The following TDRD3 variants were observed in gnomAD, a reference collection of about 807,000 sequenced individuals.
TDRD3 encodes the protein tudor domain-containing protein 3.
TDRD3 carries 45 observed loss-of-function variants against 86.7 expected under a neutral mutation model. The observed-to-expected ratio is 0.52, with a 90% CI of 0.41 to 0.67. The LOEUF is 0.67. Ranked by LOEUF, TDRD3 falls within the 30% of genes least tolerant of loss-of-function variation. TDRD3 has a pLI of 0.00. For synonymous variants in TDRD3, 298 were observed against 301.7 expected (o/e 0.99, Z 0.13); for missense variants, 814 against 889.0 (o/e 0.92, Z 1.07).
intron 1 of TDRD3, among the ~76,000 whole-genome samples, chr13:60,432,676 G>T (rs1032069493): frequency 5.3e-5 from 8 of 152,092 alleles, no homozygotes; most frequent in Admixed American, 2.0e-4. Context: ...CAACATTGAA[G>T]TTTTGGGAAT....
intron 1 of TDRD3, among the ~76,000 whole-genome samples, chr13:60,415,541 G>C (rs977851776): frequency 1.3e-5 from 2 of 152,036 alleles, no homozygotes; most frequent in Non-Finnish European, 2.9e-5. Context: ...GGCCCTCAAT[G>C]TTAGCTAACT....
intron 3 of TDRD3, among the ~76,000 whole-genome samples, chr13:60,457,448 C>T (rs1955703967): frequency 6.6e-6 from 1 of 152,216 alleles, no homozygotes; most frequent in Admixed American, 6.5e-5. Context: ...CTTGTACACT[C>T]ACTCGTAGAA....
chr13:60,397,537 C>T (rs1953956648), intron 1 of TDRD3, 132 bp downstream of exon 1: 2 of 683,148 alleles, frequency 2.9e-6, no homozygotes, highest in Admixed American at 4.6e-5. Context: ...CTCCCCGGGC[C>T]CTTCGGGCCG....
intron 12 of TDRD3, among the ~76,000 whole-genome samples, chr13:60,541,262 G>T (rs1164980002): frequency 6.6e-6 from 1 of 151,710 alleles, no homozygotes; most frequent in African/African-American, 2.4e-5. Flanking sequence ...CTGCCTCCTG[G>T]GTTCAAGCCA....
intron 12 of TDRD3, among the ~76,000 whole-genome samples, chr13:60,561,540 T>C (rs1444254426): frequency 2.0e-5 from 3 of 152,216 alleles, no homozygotes; most frequent in Non-Finnish European, 1.5e-5. Context: ...ATATTTTATA[T>C]AGGAATTCTA....
chr13:60,409,031 C>T (rs532793166), intron 1 of TDRD3, among the ~76,000 whole-genome samples: 2 of 152,324 alleles, frequency 1.3e-5, no homozygotes, highest in East Asian at 3.9e-4. Context: ...TGCCCTGTGT[C>T]CCAGCCACTC....
At chr13:60,401,264 TACA>T (rs1324902114) in intron 1 of TDRD3, among the ~76,000 whole-genome samples, 1 of 152,012 alleles carries the variant, frequency 6.6e-6, no homozygotes, top group African/African-American at 2.4e-5. Context: ...AAAATAACAA[TACA>T]ACAACAAAAA....
chr13:60,402,138 A>G (rs765781028), intron 1 of TDRD3, among the ~76,000 whole-genome samples: 1 of 152,220 alleles, frequency 6.6e-6, no homozygotes. Context: ...ATTCCATTAC[A>G]TAGAGGCTTC....
At chr13:60,523,734 G>A (rs576327681) in intron 10 of TDRD3, among the ~76,000 whole-genome samples, 2 of 151,786 alleles carry the variant, frequency 1.3e-5, no homozygotes, top group South Asian at 2.1e-4. Context: ...ATGCCACCAC[G>A]CCCAGCTAAT....
intron 5 of TDRD3, among the ~76,000 whole-genome samples, chr13:60,480,823 C>G (rs1033370042): frequency 2.0e-5 from 3 of 151,900 alleles, no homozygotes; most frequent in African/African-American, 7.3e-5. Flanking sequence ...GGGAGTGCTG[C>G]AAGCGAGGGG....
At chr13:60,571,681 T>G (rs934686035) in intron 13 of TDRD3, among the ~76,000 whole-genome samples, 4 of 152,234 alleles carry the variant, frequency 2.6e-5, no homozygotes, top group African/African-American at 4.8e-5. Flanking sequence ...AATTTGCACA[T>G]TCTTTGATTA....
Position 60,415,128 on chromosome 13 carries a change from G to A in TDRD3, c.41+17723G>A, listed in dbSNP as rs911960199. Among the ~76,000 whole-genome samples the A allele has an allele frequency of 2.0e-5, 3 of 151,876 alleles. No individual in the cohort carries two copies. The East Asian group carries it at 5.8e-4, about 29-fold the overall frequency. ...TTGAACTTATGAAAAAAAAATTCATGTGTTGATTTGACCAAGATTGATGTT... is the reference window on the plus strand; with the variant it reads ...TTGAACTTATGAAAAAAAAATTCATATGTTGATTTGACCAAGATTGATGTT... On this transcript the variant is annotated intron_variant, in intron 1 of 13. Coordinates refer to ENST00000377881, the MANE Select transcript of TDRD3 (RefSeq NM_001146070.2).
At chr13:60,560,601 T>C (rs1958311359) in intron 12 of TDRD3, among the ~76,000 whole-genome samples, 1 of 152,172 alleles carries the variant, frequency 6.6e-6, no homozygotes, top group Non-Finnish European at 1.5e-5. Flanking sequence ...CTGTATTTGC[T>C]TCTAGTGTCA....
chr13:60,465,218 C>G (rs182596726), intron 4 of TDRD3, among the ~76,000 whole-genome samples: 1 of 152,278 alleles, frequency 6.6e-6, no homozygotes, highest in Admixed American at 6.5e-5. Flanking sequence ...GGTAAATGAT[C>G]TAATTCATTA....
chr13:60,414,283 C>T (rs1954439230), intron 1 of TDRD3, among the ~76,000 whole-genome samples: 2 of 152,032 alleles, frequency 1.3e-5, no homozygotes, highest in Admixed American at 1.3e-4. Context: ...AGACTATGAC[C>T]AGTGGGCCAA....
chr13:60,493,190 T>A (rs1000989421), intron 7 of TDRD3, among the ~76,000 whole-genome samples: 1 of 151,866 alleles, frequency 6.6e-6, no homozygotes, highest in African/African-American at 2.4e-5. Context: ...AGTGCTAGGA[T>A]TACAGGCGTG....
At chr13:60,557,020 C>G (rs1032006104) in intron 12 of TDRD3, among the ~76,000 whole-genome samples, 1 of 151,982 alleles carries the variant, frequency 6.6e-6, no homozygotes, top group Non-Finnish European at 1.5e-5. Flanking sequence ...GCCTGACCAA[C>G]GTGGAGAAAC....
intron 2 of TDRD3, among the ~76,000 whole-genome samples, chr13:60,442,369 TTATG>T (rs1955298940): frequency 7.3e-6 from 1 of 136,190 alleles, no homozygotes; most frequent in South Asian, 2.8e-4. Flanking sequence ...AATAGGGATT[TTATG>T]TGTGTGTGTG....
At chr13:60,399,038 TC>T (rs1334302924) in intron 1 of TDRD3, among the ~76,000 whole-genome samples, 1 of 152,212 alleles carries the variant, frequency 6.6e-6, no homozygotes, top group Admixed American at 6.5e-5. Context: ...AAGATTAGTC[TC>T]ATTTTTTAGG....
Sources: allele counts gnomAD v4.1 joint callset (sites outside exome capture counted in the v4.1 genomes callset), GRCh38; gene constraint gnomAD v4.1.1; transcripts MANE v1.5; gene names NCBI Gene and HGNC (gene_info 2026-07-23, HGNC 2026-07-21).